Variants in CHN2 observed in about 807,000 individuals in gnomAD.
The protein encoded by CHN2 is beta-chimaerin.
CHN2 carries 35 observed loss-of-function variants against 56.3 expected under a neutral mutation model. The ratio of observed to expected loss-of-function variants is 0.62; its 90% CI spans 0.47 to 0.82. The LOEUF (loss-of-function observed/expected upper bound fraction) is 0.82, where lower values mean the gene tolerates loss of function less well. Ranked by LOEUF, CHN2 falls within the 40% of genes least tolerant of loss-of-function variation. The pLI is 0.00. For synonymous variants in CHN2, 210 were observed against 212.8 expected, an observed-to-expected ratio of 0.99 and a Z score of 0.12; for missense variants, 491 against 580.5, an observed-to-expected ratio of 0.85 and a Z score of 1.58.
intron 1 of CHN2, among the ~76,000 whole-genome samples, chr7:29,231,774 C>G (rs1415197877): frequency 6.6e-6 from 1 of 152,168 alleles, no homozygotes; most frequent in Non-Finnish European, 1.5e-5. Flanking sequence ...GCTTCTTGAA[C>G]ATTCCGCATT....
At chr7:29,212,607 C>G (rs1785039839) in intron 1 of CHN2, 1 of 1,412,236 alleles carries the variant, frequency 7.1e-7, no homozygotes, top group Admixed American at 1.7e-5. Context: ...ACTGTGTTTT[C>G]TTCCACCCAG....
At chr7:29,364,138 C>T (rs982465425) in intron 2 of CHN2, among the ~76,000 whole-genome samples, 1 of 152,196 alleles carries the variant, frequency 6.6e-6, no homozygotes, top group African/African-American at 2.4e-5. Flanking sequence ...GATAATGACA[C>T]AAAGTTATTT....
intron 4 of CHN2, among the ~76,000 whole-genome samples, chr7:29,394,288 A>G (rs1294697122): frequency 1.3e-5 from 2 of 152,220 alleles, no homozygotes; most frequent in South Asian, 2.1e-4. Flanking sequence ...GCAAATACGC[A>G]TGACCATAAA....
chr7:29,365,511 AT>A (rs1391624449), intron 2 of CHN2, among the ~76,000 whole-genome samples: 1 of 152,214 alleles, frequency 6.6e-6, no homozygotes, highest in Non-Finnish European at 1.5e-5. Context: ...GGTGTGAGAG[AT>A]GTCAAGAAAG....
intron 6 of CHN2, among the ~76,000 whole-genome samples, chr7:29,430,366 C>A (rs112608197): frequency 1.6e-4 from 25 of 152,290 alleles, no homozygotes; most frequent in African/African-American, 1.7e-4. Flanking sequence ...TTAAATTTAA[C>A]GCAGTTTAGT....
chr7:29,363,666 A>C (rs1485556923), intron 2 of CHN2, among the ~76,000 whole-genome samples: 1 of 152,210 alleles, frequency 6.6e-6, no homozygotes, highest in East Asian at 1.9e-4. Flanking sequence ...TGTGTTAATG[A>C]TGATGAGTGC....
intron 2 of CHN2, among the ~76,000 whole-genome samples, chr7:29,177,765 C>A (rs1212734474): frequency 6.6e-6 from 1 of 152,094 alleles, no homozygotes; most frequent in Non-Finnish European, 1.5e-5. Flanking sequence ...AAACACCTAC[C>A]CATCTCATTA....
chr7:29,367,481 C>G (rs1225327443), intron 2 of CHN2, among the ~76,000 whole-genome samples: 1 of 152,134 alleles, frequency 6.6e-6, no homozygotes, highest in Non-Finnish European at 1.5e-5. Flanking sequence ...CCATAACTAA[C>G]ATCTCAGAGA....
In CHN2 at chr7:29,291,137, G is replaced by A. The variant is rs552307725; in HGVS notation, c.50-63488G>A. ...CTTGAGGTGCTTTTCCCTTACCAGC[G>A]GAGTGTTTCTAGAGGAAGGTCATAT... On this transcript the variant is annotated intron_variant, in intron 1 of 12. Coordinates refer to ENST00000222792, the MANE Select transcript of CHN2 (RefSeq NM_004067.4). 5.3e-5 allele frequency among the ~76,000 whole-genome samples: 8 copies of A among 152,242 alleles called. No homozygotes were observed. The South Asian group carries it at 1.2e-3, about 24-fold the overall frequency.
intron 1 of CHN2, among the ~76,000 whole-genome samples, chr7:29,342,619 A>G (rs1474011330): frequency 6.6e-6 from 1 of 152,232 alleles, no homozygotes; most frequent in African/African-American, 2.4e-5. Context: ...CTAAATGGAA[A>G]GAGTGGAGAG....
chr7:29,363,951 T>C (rs1252400672), intron 2 of CHN2, among the ~76,000 whole-genome samples: 2 of 152,126 alleles, frequency 1.3e-5, no homozygotes, highest in Admixed American at 1.3e-4. Context: ...ACAAGAGGAT[T>C]GTTTGAACCC....
intron 1 of CHN2, among the ~76,000 whole-genome samples, chr7:29,225,238 A>T (rs1383996883): frequency 6.6e-6 from 1 of 152,218 alleles, no homozygotes; most frequent in African/African-American, 2.4e-5. Context: ...TAATTTGTCT[A>T]AATCAAGAGG....
intron 3 of CHN2, among the ~76,000 whole-genome samples, chr7:29,387,066 A>G (rs1030339973): frequency 6.6e-6 from 1 of 152,194 alleles, no homozygotes; most frequent in Non-Finnish European, 1.5e-5. Context: ...ACCTCATGCT[A>G]TTTAGTGGTT....
chr7:29,327,550 G>A (rs996446486), intron 1 of CHN2, among the ~76,000 whole-genome samples: 5 of 152,168 alleles, frequency 3.3e-5, no homozygotes, highest in African/African-American at 1.2e-4. Flanking sequence ...TTGGACTGGA[G>A]ACTCTAAGTA....
chr7:29,468,794 G>C (rs191867441), intron 6 of CHN2, among the ~76,000 whole-genome samples: 24 of 152,232 alleles, frequency 1.6e-4, no homozygotes, highest in African/African-American at 5.8e-4. Context: ...TACCTATCCT[G>C]TGAGCGTTAG....
At chr7:29,405,295 C>T (rs556826085) in intron 6 of CHN2, among the ~76,000 whole-genome samples, 136 of 151,842 alleles carry the variant, frequency 9.0e-4, no homozygotes, top group Middle Eastern at 3.4e-3. Flanking sequence ...ACTTTCATTT[C>T]TCCATGGGGT....
At chr7:29,509,209 C>A in intron 11 of CHN2, 92 bp from the exon 12 acceptor site, 2 of 847,748 alleles carry the variant, frequency 2.4e-6, no homozygotes, top group Non-Finnish European at 2.0e-6. Context: ...AATCCTTCCC[C>A]ACTTCTGGCT....
chr7:29,158,582 CT>C (rs1794749138), intron 2 of CHN2, among the ~76,000 whole-genome samples: 2 of 152,112 alleles, frequency 1.3e-5, no homozygotes, highest in Non-Finnish European at 2.9e-5. Context: ...CTTCAACATC[CT>C]CTACGAGATC....
In CHN2 at chr7:29,306,611, C is replaced by A. The variant is rs149699817; in HGVS notation, c.50-48014C>A. 1.7e-3 allele frequency among the ~76,000 whole-genome samples: 255 copies of A among 152,334 alleles called. 2 individuals carry two copies. Among genetic ancestry groups the A allele is most frequent in the African/African-American group, 5.7e-3 (235 of 41,568 alleles). On this transcript the variant is annotated intron_variant, in intron 1 of 12. Transcript: ENST00000222792. Reference sequence around the variant, plus strand: ...CACATGCTGAATGAACTGTTATATCCTTGCCCTGTGACACATTCATCCCCA... The same window carrying A: ...CACATGCTGAATGAACTGTTATATCATTGCCCTGTGACACATTCATCCCCA...
Sources: gnomAD v4.1 joint callset for allele counts (sites outside exome capture counted in the v4.1 genomes callset) on GRCh38, gnomAD v4.1.1 for gene constraint, MANE v1.5 for transcripts, NCBI Gene and HGNC (gene_info 2026-07-23, HGNC 2026-07-21) for gene names.